The following GPHN variants were observed in gnomAD, a reference collection of about 807,000 sequenced individuals.
GPHN encodes gephyrin.
Under a neutral mutation model 95.5 loss-of-function variants are expected in GPHN, and 17 were observed. That is an observed-to-expected ratio of 0.18 (90% CI 0.12 to 0.27). The LOEUF (loss-of-function observed/expected upper bound fraction) is 0.27, where lower values mean the gene tolerates loss of function less well. Among genes scored for constraint, GPHN ranks in the 10% least tolerant of loss-of-function variants. The pLI is 1.00. For missense variants in GPHN, 660 were observed against 978.1 expected, an observed-to-expected ratio of 0.67 and a Z score of 4.34; for synonymous variants, 320 against 322.5, an observed-to-expected ratio of 0.99 and a Z score of 0.08.
At chr14:67,033,937 C>T (rs1032067163) in intron 10 of GPHN, among the ~76,000 whole-genome samples, 1 of 152,084 alleles carries the variant, frequency 6.6e-6, no homozygotes, top group South Asian at 2.1e-4. Flanking sequence ...GCTGAAGGAA[C>T]AAAATCTGCC....
chr14:67,346,801 T>A, the GPHN span, among the ~76,000 whole-genome samples: 2 of 152,106 alleles, frequency 1.3e-5, no homozygotes, highest in Non-Finnish European at 2.9e-5. Flanking sequence ...AGACCCAAAC[T>A]GGGAATTATA....
At chr14:67,565,717 GA>G in the GPHN span, among the ~76,000 whole-genome samples, 4 of 152,202 alleles carry the variant, frequency 2.6e-5, no homozygotes, top group Admixed American at 2.6e-4. Flanking sequence ...CTGGCAGCAG[GA>G]GGAATGAGGT....
chr14:67,268,599 A>G, the GPHN span, among the ~76,000 whole-genome samples: 1 of 152,332 alleles, frequency 6.6e-6, no homozygotes, highest in East Asian at 1.9e-4. Flanking sequence ...ATATAGGGTG[A>G]CTTCCTAACG....
intron 9 of GPHN, among the ~76,000 whole-genome samples, chr14:67,020,535 G>A (rs547809008): frequency 4.6e-5 from 7 of 152,120 alleles, no homozygotes; most frequent in East Asian, 1.9e-4. Context: ...CCTAATGGAC[G>A]ATGTGATCTT....
intron 1 of GPHN, among the ~76,000 whole-genome samples, chr14:66,605,621 C>A (rs1341329979): frequency 1.3e-5 from 2 of 151,466 alleles, no homozygotes; most frequent in Non-Finnish European, 2.9e-5. Flanking sequence ...TCTCTGCCCC[C>A]CAGGTTAACA....
At chr14:67,441,956 G>A in the GPHN span, 2 of 153,676 alleles carry the variant, frequency 1.3e-5, no homozygotes, top group Non-Finnish European at 2.9e-5. Context: ...CCTTCCTATT[G>A]GTTCTGTCTC....
At chr14:67,711,093 T>A in the GPHN span, among the ~76,000 whole-genome samples, 1 of 152,206 alleles carries the variant, frequency 6.6e-6, no homozygotes, top group Non-Finnish European at 1.5e-5. Context: ...AGTTTAGCTT[T>A]GAAACAAAGA....
chr14:67,503,867 T>C, the GPHN span, among the ~76,000 whole-genome samples: 133,878 of 151,086 alleles, frequency 0.89, 59,935 homozygotes, highest in Non-Finnish European at 0.95. Flanking sequence ...CCATGCCTGG[T>C]TAATTTTTGT....
chr14:67,375,678 C>T, the GPHN span, among the ~76,000 whole-genome samples: 4 of 152,278 alleles, frequency 2.6e-5, no homozygotes, highest in African/African-American at 9.6e-5. Context: ...GTGGTTTACA[C>T]ATTTGAAAAC....
intron 17 of GPHN, among the ~76,000 whole-genome samples, chr14:67,131,890 C>T (rs2079739978): frequency 6.6e-6 from 1 of 152,082 alleles, no homozygotes; most frequent in African/African-American, 2.4e-5. Flanking sequence ...TATGACAGCT[C>T]AGCAATATAG....
chr14:66,908,923 A>G (rs1048694847), intron 5 of GPHN, among the ~76,000 whole-genome samples: 3 of 152,028 alleles, frequency 2.0e-5, no homozygotes, highest in African/African-American at 7.2e-5. Flanking sequence ...AGCATCTATC[A>G]CTGCCAAGAA....
the GPHN span, among the ~76,000 whole-genome samples, chr14:67,638,605 C>G: frequency 6.6e-6 from 1 of 152,126 alleles, no homozygotes; most frequent in African/African-American, 2.4e-5. Flanking sequence ...GGCACTGAAA[C>G]TGTGCAAATT....
At chr14:66,897,678 A>T (rs568772217) in intron 5 of GPHN, among the ~76,000 whole-genome samples, 37 of 152,212 alleles carry the variant, frequency 2.4e-4, no homozygotes, top group African/African-American at 8.7e-4. Context: ...CTTACATTTT[A>T]TTGTTGAGTA....
At chr14:67,072,516 G>A (rs2076350429) in intron 11 of GPHN, among the ~76,000 whole-genome samples, 1 of 151,936 alleles carries the variant, frequency 6.6e-6, no homozygotes, top group South Asian at 2.1e-4. Context: ...CTCATCCCAA[G>A]CAGCAGAGGG....
chr14:67,169,646 T>C (rs2082484616), intron 21 of GPHN, among the ~76,000 whole-genome samples: 1 of 152,262 alleles, frequency 6.6e-6, no homozygotes, highest in Admixed American at 6.5e-5. Context: ...TGTTATACAC[T>C]TTCTCTGTGA....
At chr14:66,878,142 T>C (rs1343455051) in intron 4 of GPHN, among the ~76,000 whole-genome samples, 1 of 152,166 alleles carries the variant, frequency 6.6e-6, no homozygotes, top group Non-Finnish European at 1.5e-5. Flanking sequence ...TTCTATTTAA[T>C]AAATGGTATT....
intron 1 of GPHN, among the ~76,000 whole-genome samples, chr14:66,537,547 C>T (rs1323163583): frequency 6.6e-6 from 1 of 151,892 alleles, no homozygotes; most frequent in Non-Finnish European, 1.5e-5. Context: ...CTATTTTTTT[C>T]ATATTTTATT....
chr14:66,597,790 G>GGCACT (rs1414023295), intron 1 of GPHN, among the ~76,000 whole-genome samples: 1 of 152,156 alleles, frequency 6.6e-6, no homozygotes, highest in Non-Finnish European at 1.5e-5. Flanking sequence ...CTGGCATCAT[G>GGCACT]GCAGTGGCCA....
chr14:67,563,027 A>C, the GPHN span: 1 of 881,030 alleles, frequency 1.1e-6, no homozygotes, highest in Non-Finnish European at 1.7e-6. Context: ...GGCAGGTACC[A>C]TGGAGCCTGT....
Sources: gnomAD v4.1 joint callset for allele counts (sites outside exome capture counted in the v4.1 genomes callset) on GRCh38, gnomAD v4.1.1 for gene constraint, MANE v1.5 for transcripts, NCBI Gene and HGNC (gene_info 2026-07-23, HGNC 2026-07-21) for gene names.